The following KALRN variants were observed in gnomAD, a reference collection of about 807,000 sequenced individuals.
KALRN encodes kalirin.
A neutral mutation model predicts 353.7 loss-of-function variants in KALRN; 70 were observed. The ratio of observed to expected loss-of-function variants is 0.20; its 90% CI spans 0.16 to 0.24. The LOEUF (loss-of-function observed/expected upper bound fraction) is 0.24. Among genes scored for constraint, KALRN ranks in the 10% least tolerant of loss-of-function variants. The pLI is 1.00. For synonymous variants in KALRN, 1,391 were observed against 1,434.8 expected, an observed-to-expected ratio of 0.97 and a Z score of 0.69; for missense variants, 2,791 against 3,756.7, an observed-to-expected ratio of 0.74 and a Z score of 6.72.
intron 47 of KALRN, 27 bp from the exon 48 acceptor site, chr3:124,671,633 G>A (rs1230589382): frequency 3.2e-6 from 5 of 1,543,098 alleles, no homozygotes; most frequent in Non-Finnish European, 4.5e-6. Flanking sequence ...CCAAAGCTTA[G>A]AGTAACCACC....
intron 35 of KALRN, 90 bp downstream of exon 35, chr3:124,632,793 C>A: frequency 2.5e-6 from 3 of 1,216,164 alleles, no homozygotes; most frequent in Non-Finnish European, 3.5e-6. Flanking sequence ...CATCTCAAAT[C>A]TCCATTAGTG....
chr3:124,549,043 C>T (rs2070094585), intron 33 of KALRN, among the ~76,000 whole-genome samples: 1 of 152,132 alleles, frequency 6.6e-6, no homozygotes, highest in African/African-American at 2.4e-5. Context: ...ACTGAGTGTT[C>T]TAATATTATT....
chr3:124,700,592 A>G (rs187817497), intron 56 of KALRN, among the ~76,000 whole-genome samples: 1 of 152,334 alleles, frequency 6.6e-6, no homozygotes, highest in Admixed American at 6.5e-5. Flanking sequence ...TATTTTACAA[A>G]TAAGGTTCTT....
chr3:124,323,472 G>A (rs1383954672), intron 6 of KALRN, among the ~76,000 whole-genome samples: 2 of 152,138 alleles, frequency 1.3e-5, no homozygotes, highest in African/African-American at 4.8e-5. Flanking sequence ...CACAGAGCCT[G>A]GCCCACTCTC....
At chr3:124,410,312 AC>A (rs1338820499) in intron 13 of KALRN, 1 of 527,634 alleles carries the variant, frequency 1.9e-6, no homozygotes, top group Non-Finnish European at 3.9e-6. Flanking sequence ...AACAAACAGA[AC>A]CTAAAATCAA....
chr3:124,703,561 A>C (rs992223273), intron 57 of KALRN, among the ~76,000 whole-genome samples: 5 of 151,280 alleles, frequency 3.3e-5, no homozygotes, highest in Admixed American at 1.3e-4. Context: ...GGCTCAAGCA[A>C]TCCTCCTACC....
At chr3:124,359,709 A>G (rs2083807702) in intron 10 of KALRN, among the ~76,000 whole-genome samples, 1 of 152,190 alleles carries the variant, frequency 6.6e-6, no homozygotes, top group African/African-American at 2.4e-5. Flanking sequence ...TACCTAATCA[A>G]GAATTTGATT....
chr3:124,446,314 G>A (rs959607535), intron 20 of KALRN, 38 bp downstream of exon 20: 2 of 1,487,398 alleles, frequency 1.3e-6, no homozygotes, highest in Non-Finnish European at 1.9e-6. Context: ...CTCAGTTCTG[G>A]GGAGCATACA....
At position 124,090,117 on chromosome 3, in the gene KALRN, G is replaced by T. The variant is rs565856803; in HGVS notation, c.73+56304G>T. On this transcript the variant is annotated intron_variant, in intron 1 of 59. Transcript: ENST00000682506. ...CTGGCTCTTGTGTGGGCAGTGGGGG[G>T]TACTGGGGTGACATGCTGTGTTAGA... Among the ~76,000 whole-genome samples the T allele has an allele frequency of 2.0e-5, 3 of 152,076 alleles. No individual in the cohort carries two copies. In the South Asian group the frequency reaches 6.2e-4, roughly 32 times the overall value.
chr3:124,323,468 G>C (rs7611314), intron 6 of KALRN, among the ~76,000 whole-genome samples: 93,983 of 152,058 alleles, frequency 0.62, 29,615 homozygotes, highest in South Asian at 0.78. Context: ...CCAACACAGA[G>C]CCTGGCCCAC....
intron 1 of KALRN, among the ~76,000 whole-genome samples, chr3:124,180,388 G>A (rs1240455685): frequency 1.3e-5 from 2 of 152,038 alleles, no homozygotes; most frequent in African/African-American, 4.8e-5. Context: ...CTTTAGTGTT[G>A]CCTTCCCCCA....
intron 3 of KALRN, among the ~76,000 whole-genome samples, chr3:124,252,634 C>T (rs770780967): frequency 6.6e-6 from 1 of 152,208 alleles, no homozygotes; most frequent in East Asian, 1.9e-4. Context: ...GACACTAACT[C>T]TTTGGAATAA....
chr3:124,330,090 G>A, intron 8 of KALRN, 98 bp downstream of exon 8: 1 of 1,276,092 alleles, frequency 7.8e-7, no homozygotes, highest in Non-Finnish European at 1.1e-6. Context: ...GCCTGGGTGG[G>A]ACTAAGAAGA....
At chr3:124,125,228 C>T (rs2064508043) in intron 1 of KALRN, among the ~76,000 whole-genome samples, 1 of 152,198 alleles carries the variant, frequency 6.6e-6, no homozygotes, top group African/African-American at 2.4e-5. Flanking sequence ...TATCATTGCC[C>T]TTTTACAGAT....
At chr3:124,265,727 CAT>C (rs1175919750) in intron 4 of KALRN, among the ~76,000 whole-genome samples, 2 of 152,272 alleles carry the variant, frequency 1.3e-5, no homozygotes, top group East Asian at 3.9e-4. Flanking sequence ...TATATATACA[CAT>C]GTGCATAAAT....
At chr3:124,233,909 T>A (rs1262008371) in intron 2 of KALRN, among the ~76,000 whole-genome samples, 1 of 152,234 alleles carries the variant, frequency 6.6e-6, no homozygotes, top group Non-Finnish European at 1.5e-5. Flanking sequence ...ATAGTTACCC[T>A]TAACTTTTTT....
At position 124,666,592 on chromosome 3, in the gene KALRN, G is replaced by A. The variant is rs1404148966; in HGVS notation, c.6489G>A (p.Lys2163=). ...TCATCTTCAGTGAACTGCTCAGGAA[G>A]GGATCCCTCACCCCTGGCTACATGT... is the stretch of plus-strand genomic sequence containing the variant. ...QIVIFSELLR[K]GSLTPGYMFK... is the part of the protein sequence containing the mutation. The change falls in exon 46 of 60, where the codon AAG becomes AAA. Residue 2163 remains lysine, a synonymous_variant. Transcript: ENST00000682506. 1 of 1,613,998 alleles carries A rather than the reference G, an allele frequency of 6.2e-7. No homozygotes were observed. Among genetic ancestry groups the A allele is most frequent in the Admixed American group, 1.7e-5 (1 of 60,004 alleles).
intron 3 of KALRN, among the ~76,000 whole-genome samples, chr3:124,259,149 C>G (rs1371928316): frequency 1.3e-5 from 2 of 152,156 alleles, no homozygotes; most frequent in Non-Finnish European, 2.9e-5. Context: ...CTGGAGCCTT[C>G]TGGGGAGACT....
At chr3:124,650,983 C>A in intron 38 of KALRN, 45 bp downstream of exon 38, 1 of 1,606,618 alleles carries the variant, frequency 6.2e-7, no homozygotes, top group Non-Finnish European at 8.5e-7. Flanking sequence ...CATGTGAGTG[C>A]GGTGGACAAT....
Sources: gnomAD v4.1 joint callset for allele counts (sites outside exome capture counted in the v4.1 genomes callset) on GRCh38, gnomAD v4.1.1 for gene constraint, MANE v1.5 for transcripts, NCBI Gene and HGNC (gene_info 2026-07-23, HGNC 2026-07-21) for gene names.